Variants in PKD2L1 observed in about 807,000 individuals in gnomAD.
The protein encoded by PKD2L1 is polycystin 2 like 1, transient receptor potential cation channel, also known as polycystin-2-like protein 1.
PKD2L1 carries 77 observed loss-of-function variants against 93.0 expected under a neutral mutation model. That is an observed-to-expected ratio of 0.83 (90% CI 0.69 to 1.00). The LOEUF is 1.00. Among genes scored for constraint, PKD2L1 ranks in the 50% least tolerant of loss-of-function variants. PKD2L1 has a pLI of 0.00. For synonymous variants in PKD2L1, 390 were observed against 388.0 expected (o/e 1.01, Z -0.06); for missense variants, 977 against 990.9 (o/e 0.99, Z 0.19).
At chr10:100,292,851 A>G in intron 11 of PKD2L1, 97 bp downstream of exon 11, 1 of 1,346,866 alleles carries the variant, frequency 7.4e-7, no homozygotes, top group South Asian at 1.6e-5. Context: ...AGAGGCCCCT[A>G]AACTAAAACC....
intron 2 of PKD2L1, among the ~76,000 whole-genome samples, chr10:100,312,754 C>A (rs1231841260): frequency 2.0e-5 from 3 of 151,932 alleles, no homozygotes; most frequent in Non-Finnish European, 4.4e-5. Flanking sequence ...CTTGTAAATT[C>A]TCATGTGGTT....
chr10:100,289,920 G>A, intron 14 of PKD2L1, 95 bp downstream of exon 14: 1 of 1,378,448 alleles, frequency 7.3e-7, no homozygotes, highest in Non-Finnish European at 1.0e-6. Flanking sequence ...GAAAACATAG[G>A]TCTTTCAAAA....
At chr10:100,310,604 GCACA>G (rs1167605180) in intron 2 of PKD2L1, among the ~76,000 whole-genome samples, 2 of 151,472 alleles carry the variant, frequency 1.3e-5, no homozygotes. Flanking sequence ...AGGCACACAC[GCACA>G]CACACACACT....
At position 100,298,832 on chromosome 10, in the gene PKD2L1, C is replaced by G; in HGVS notation, c.478-17G>C. 1 of 1,602,532 alleles carries G rather than the reference C, an allele frequency of 6.2e-7. No homozygotes were observed. Among genetic ancestry groups the G allele is most frequent in the Non-Finnish European group, 8.5e-7 (1 of 1,172,770 alleles). ...CTGGGCAAACTGAACCACAAGCTGG[C>G]TTGAACCTTACCCAGCCTCCTCCTG... On this transcript the variant is annotated splice_polypyrimidine_tract_variant and intron_variant, in intron 3 of 15. Transcript: ENST00000318222.
In PKD2L1 at chr10:100,293,051, G is replaced by A. The variant is rs1449461956; in HGVS notation, c.1777C>T (p.Leu593=). 3 of 1,614,112 alleles carry A rather than the reference G, an allele frequency of 1.9e-6. No homozygotes were observed. Among genetic ancestry groups the A allele is most frequent in the East Asian group, 2.2e-5 (1 of 44,878 alleles). ...LLKQGYNKTL[L]RLRLRKERVS... is the part of the protein sequence containing the mutation. ...CTCTCCTTCCTCAGACGCAGTCTTA[G>A]TAGGGTCTTGTTGTAGCCCTGAAAG... Residue 593 remains leucine, a synonymous_variant, in exon 11 of 16, where the codon CTA becomes TTA. Transcript: ENST00000318222.
chr10:100,295,524 G>C (rs956222022), intron 7 of PKD2L1, among the ~76,000 whole-genome samples: 40 of 151,538 alleles, frequency 2.6e-4, no homozygotes, highest in Admixed American at 9.2e-4. Context: ...TCAAGGTCAG[G>C]AGTTCGAGAC....
At chr10:100,319,895 A>C (rs891033566) in intron 2 of PKD2L1, among the ~76,000 whole-genome samples, 2 of 152,224 alleles carry the variant, frequency 1.3e-5, no homozygotes, top group Non-Finnish European at 2.9e-5. Context: ...CATTATTTCT[A>C]CACAAAGACC....
At chr10:100,310,481 T>C (rs1214682455) in intron 2 of PKD2L1, among the ~76,000 whole-genome samples, 1 of 152,206 alleles carries the variant, frequency 6.6e-6, no homozygotes, top group Non-Finnish European at 1.5e-5. Context: ...TCTAAAAACA[T>C]GCCTATCATT....
rs760940072 is a variant in PKD2L1 at position 100,290,017 on chromosome 10, C to T, written c.2248G>A (p.Val750Met). 4.6e-5 allele frequency: 74 copies of T among 1,614,036 alleles called. No individual in the cohort carries two copies. Among genetic ancestry groups the T allele is most frequent in the Non-Finnish European group, 5.7e-5 (67 of 1,180,016 alleles). ...RKGWLAPSPG[V>M]KEQAIWKHPQ... ...GGACCAGGTGAAGGGCCACTCACCA[C>T]GCCTGGGGAGGGAGCCAGCCACCCC... The change falls in exon 14 of 16, where the codon GTG (valine) becomes ATG (methionine). Residue 750 changes from valine to methionine, a missense_variant and splice_region_variant. Coordinates refer to ENST00000318222, the MANE Select transcript of PKD2L1 (RefSeq NM_016112.3).
At chr10:100,299,118 A>T (rs1292485996) in intron 3 of PKD2L1, among the ~76,000 whole-genome samples, 1 of 151,992 alleles carries the variant, frequency 6.6e-6, no homozygotes, top group Non-Finnish European at 1.5e-5. Flanking sequence ...CACTATGCCC[A>T]GCTAATTTTT....
chr10:100,310,570 A>G (rs952151109), intron 2 of PKD2L1, among the ~76,000 whole-genome samples: 2 of 152,186 alleles, frequency 1.3e-5, no homozygotes, highest in Non-Finnish European at 2.9e-5. Context: ...TATTATATAC[A>G]CACACATTTA....
rs527526213 is a variant in PKD2L1, at chr10:100,294,594, G to T, written c.1600C>A (p.Arg534Ser). The change falls in exon 9 of 16, where the codon CGC becomes AGC. Residue 534 changes from arginine to serine, a missense_variant. Arg to Ser is a moderately radical substitution (Grantham distance 110, BLOSUM62 -1). Transcript: ENST00000318222. ...FDYNAIDNANRILGPAYFVTY... is the reference protein window; with the variant it reads ...FDYNAIDNANSILGPAYFVTY... ...ACAAAGTAGGCAGGGCCCAGGATGCGGTTGGCATTGTCGATAGCATTGTAG... is the reference window on the plus strand; with the variant it reads ...ACAAAGTAGGCAGGGCCCAGGATGCTGTTGGCATTGTCGATAGCATTGTAG... The T allele has an allele frequency of 6.2e-7, 1 of 1,613,780 alleles. No individual in the cohort carries two copies. Among genetic ancestry groups the T allele is most frequent in the South Asian group, 1.1e-5 (1 of 91,058 alleles).
chr10:100,314,895 C>T (rs12266673), intron 2 of PKD2L1, among the ~76,000 whole-genome samples: 6,776 of 147,640 alleles, frequency 0.046, 514 homozygotes, highest in African/African-American at 0.16. Flanking sequence ...ATTAGCCAGG[C>T]GTGTTGGTGT....
At chr10:100,320,600 C>T (rs748826511) in intron 2 of PKD2L1, among the ~76,000 whole-genome samples, 12 of 152,140 alleles carry the variant, frequency 7.9e-5, no homozygotes, top group Admixed American at 1.3e-4. Flanking sequence ...CCTTTGTCCC[C>T]CTGAAAACAT....
At chr10:100,315,174 G>A (rs1164153187) in intron 2 of PKD2L1, among the ~76,000 whole-genome samples, 1 of 151,448 alleles carries the variant, frequency 6.6e-6, no homozygotes, top group Non-Finnish European at 1.5e-5. Flanking sequence ...TACTGAGAGG[G>A]ATTTTTTATT....
At chr10:100,299,917 G>A (rs536762059) in intron 2 of PKD2L1, among the ~76,000 whole-genome samples, 199 bp from the exon 3 acceptor site, 2 of 152,274 alleles carry the variant, frequency 1.3e-5, no homozygotes, top group East Asian at 3.9e-4. Context: ...TAGCTACAAT[G>A]TCTCCTCCTC....
chr10:100,310,583 C>T (rs1302313516), intron 2 of PKD2L1, among the ~76,000 whole-genome samples: 3 of 152,138 alleles, frequency 2.0e-5, no homozygotes, highest in Non-Finnish European at 2.9e-5. Flanking sequence ...CACATTTATA[C>T]ATGTGTGTGC....
intron 11 of PKD2L1, among the ~76,000 whole-genome samples, chr10:100,291,878 C>T (rs1169452754): frequency 5.9e-5 from 9 of 152,098 alleles, no homozygotes; most frequent in African/African-American, 2.2e-4. Flanking sequence ...TTTCTCTGGT[C>T]TCATCTCCTG....
chr10:100,294,270 C>G (rs765178048), intron 9 of PKD2L1, among the ~76,000 whole-genome samples: 49 of 152,118 alleles, frequency 3.2e-4, no homozygotes, highest in Non-Finnish European at 5.7e-4. Context: ...TCATAAGGCA[C>G]TTTTCTCCCC....
Sources: allele counts gnomAD v4.1 joint callset (sites outside exome capture counted in the v4.1 genomes callset), GRCh38; gene constraint gnomAD v4.1.1; transcripts MANE v1.5; gene names NCBI Gene and HGNC (gene_info 2026-07-23, HGNC 2026-07-21).